LRP8: variants seen among roughly 807,000 people sequenced by gnomAD.
LRP8 encodes the protein LDL receptor related protein 8, also known as low-density lipoprotein receptor-related protein 8.
In LRP8, 46 loss-of-function variants were observed where a neutral mutation model predicts 111.6. The ratio of observed to expected loss-of-function variants is 0.41; its 90% CI spans 0.33 to 0.53. LRP8 has a LOEUF of 0.53. Among genes scored for constraint, LRP8 ranks in the 20% least tolerant of loss-of-function variants. The probability of loss-of-function intolerance (pLI) is 0.20; values close to 1 mark genes in which losing one functional copy is unlikely to be tolerated. For missense variants in LRP8, 959 were observed against 1,297.4 expected (o/e 0.74, Z 4.01); for synonymous variants, 464 against 511.2 (o/e 0.91, Z 1.24).
At position 53,297,645 on chromosome 1, in the gene LRP8, T is replaced by G. The variant is rs148982112; in HGVS notation, c.245-7956A>C. On this transcript the variant is annotated intron_variant, in intron 2 of 18. Transcript: ENST00000306052. ...GGCTCCAGCCAAAGGATTCACCCCATTCGGAATGAAGAGGCTGCAGCGGAA... is the reference window on the plus strand; with the variant it reads ...GGCTCCAGCCAAAGGATTCACCCCAGTCGGAATGAAGAGGCTGCAGCGGAA... Among the ~76,000 whole-genome samples the G allele has an allele frequency of 2.6e-3, 400 of 152,250 alleles. 3 individuals carry two copies. The highest frequency in any genetic ancestry group is 5.9e-3 in the Admixed American group (91 of 15,298).
intron 2 of LRP8, among the ~76,000 whole-genome samples, chr1:53,308,020 T>A (rs1652303636): frequency 6.6e-6 from 1 of 152,170 alleles, no homozygotes; most frequent in South Asian, 2.1e-4. Context: ...AGAGACCCCT[T>A]CCCAGCAGCC....
rs1442443541 is a variant in LRP8, at chr1:53,279,394, A to T, written c.496+1193T>A. On this transcript the variant is annotated intron_variant, in intron 4 of 18. Transcript: ENST00000306052. This position sits in a 1 kb window ranked among gnomAD's most constrained non-coding sequence, Gnocchi z 4.4. ...CATCCCTTGCAGTAGCGGCCTTCAT[A>T]TTGGAGGAATCATCTGATTATGGGG... Among the ~76,000 whole-genome samples, 1 of 152,126 alleles carries T rather than the reference A, an allele frequency of 6.6e-6. No individual in the cohort carries two copies. Among genetic ancestry groups the T allele is most frequent in the Non-Finnish European group, 1.5e-5 (1 of 68,028 alleles).
Position 53,281,488 on chromosome 1 carries a change from C to T in LRP8, c.368-773G>A, listed in dbSNP as rs114990675. Reference sequence around the variant, plus strand: ...ATCTCAGACCTCCGTGGTTGGCTCCCTTCAGCCTTCCAGGGTGTGCAGGAG... The same window carrying T: ...ATCTCAGACCTCCGTGGTTGGCTCCTTTCAGCCTTCCAGGGTGTGCAGGAG... On this transcript the variant is annotated intron_variant, in intron 3 of 18. Transcript: ENST00000306052. Among the ~76,000 whole-genome samples the T allele has an allele frequency of 3.6e-3, 549 of 152,336 alleles. 4 individuals carry two copies. The highest frequency in any genetic ancestry group is 0.013 in the African/African-American group (529 of 41,580).
At chr1:53,254,039 C>T (rs897003759) in intron 16 of LRP8, among the ~76,000 whole-genome samples, 4 of 152,104 alleles carry the variant, frequency 2.6e-5, no homozygotes, top group African/African-American at 9.7e-5. Context: ...CATTTGCTGA[C>T]TAACTCGGCA....
rs1486917420 is a variant in LRP8 at position 53,246,695 on chromosome 1, G to C, written c.*323C>G. 6 of 295,388 alleles carry C rather than the reference G, an allele frequency of 2.0e-5. No homozygotes were observed. Among genetic ancestry groups the C allele is most frequent in the Non-Finnish European group, 3.8e-5 (6 of 159,044 alleles). 18.3% of individuals were successfully genotyped at this position (295,388 alleles called of 1,614,324 possible). A position where few individuals can be genotyped will look rare whatever the true frequency, so the allele number is the denominator to read the frequency against. On this transcript the variant is annotated 3_prime_UTR_variant, in exon 19 of 19. Coordinates refer to ENST00000306052, the MANE Select transcript of LRP8 (RefSeq NM_004631.5). The stretch of plus-strand genomic sequence containing the variant: ...AATATAGTTTTTAAATGATGAGTAA[G>C]GTACTGTGCCATTGGCCCCCATTTG...
chr1:53,301,598 G>A (rs909889250), intron 2 of LRP8, among the ~76,000 whole-genome samples: 7 of 152,130 alleles, frequency 4.6e-5, no homozygotes, highest in Non-Finnish European at 1.0e-4. Flanking sequence ...GGGCATGGTG[G>A]TACACATCTG....
rs568935962 is a variant in LRP8, at chr1:53,319,385, G to T, written c.244+7488C>A. On this transcript the variant is annotated intron_variant, in intron 2 of 18. Transcript: ENST00000306052. ...GGGTGTCTGTCCTGCCACATGCCAC[G>T]TTCCAAGGGGCAGGCGTGTAGAGGC... 2.0e-5 allele frequency among the ~76,000 whole-genome samples: 3 copies of T among 152,300 alleles called. No homozygotes were observed. The East Asian group carries it at 5.8e-4, about 29-fold the overall frequency.
chr1:53,326,996 C>G lies in LRP8; in HGVS notation c.125-4G>C. The G allele has an allele frequency of 1.2e-6, 2 of 1,612,428 alleles. No individual in the cohort carries two copies. Among genetic ancestry groups the G allele is most frequent in the Non-Finnish European group, 8.5e-7 (1 of 1,179,838 alleles). On this transcript the variant is annotated splice_polypyrimidine_tract_variant and splice_region_variant and intron_variant, in intron 1 of 18. Transcript: ENST00000306052. ...TTTTCGCAATCCTTGGCCGGCCCTG[C>G]GAGGGGGAGGGAGCGTGAGCTGGAT...
chr1:53,285,844 A>G (rs1647459703), intron 3 of LRP8, among the ~76,000 whole-genome samples: 1 of 152,310 alleles, frequency 6.6e-6, no homozygotes, highest in South Asian at 2.1e-4. Flanking sequence ...TCTGAGAGGC[A>G]GGAGTGAAGA....
At chr1:53,253,512 G>A (rs925307507) in intron 16 of LRP8, among the ~76,000 whole-genome samples, 3 of 152,088 alleles carry the variant, frequency 2.0e-5, no homozygotes, top group Admixed American at 6.6e-5. Flanking sequence ...CTACCTCACA[G>A]GGAAATGTCA....
At chr1:53,324,134 C>T (rs1035353349) in intron 2 of LRP8, among the ~76,000 whole-genome samples, 10 of 152,166 alleles carry the variant, frequency 6.6e-5, no homozygotes, top group Non-Finnish European at 1.0e-4. Context: ...GGGTAAGGCA[C>T]GGAGACTGCT....
chr1:53,314,726 G>C (rs937273497), intron 2 of LRP8, among the ~76,000 whole-genome samples: 5 of 152,194 alleles, frequency 3.3e-5, no homozygotes, highest in African/African-American at 7.2e-5. Flanking sequence ...CACCCCACTA[G>C]GCTGCTGAGG....
At chr1:53,278,333 G>C (rs552813494) in intron 4 of LRP8, among the ~76,000 whole-genome samples, 1 of 152,220 alleles carries the variant, frequency 6.6e-6, no homozygotes, top group Non-Finnish European at 1.5e-5. Context: ...GCCCCGGGAT[G>C]GGGGTAGGCC....
In LRP8 at chr1:53,260,618, G is replaced by C; in HGVS notation, c.1915-13C>G. On this transcript the variant is annotated splice_polypyrimidine_tract_variant and intron_variant, in intron 12 of 18. Transcript: ENST00000306052. The stretch of plus-strand genomic sequence containing the variant: ...AGAACACCTTGTCCTGTGGGGTATA[G>C]ATGCAGAGGATGGGAGGCCTGGAGT... 4 of 1,612,934 alleles carry C rather than the reference G, an allele frequency of 2.5e-6. No individual in the cohort carries two copies. The highest frequency in any genetic ancestry group is 3.4e-6 in the Non-Finnish European group (4 of 1,179,116).
chr1:53,283,188 G>T (rs929195138), intron 3 of LRP8, among the ~76,000 whole-genome samples: 1 of 152,062 alleles, frequency 6.6e-6, no homozygotes, highest in African/African-American at 2.4e-5. Flanking sequence ...AAAGAGGTCA[G>T]GGGGAGCCTC....
At position 53,271,326 on chromosome 1, in the gene LRP8, T is replaced by C. The variant is rs1408049164; in HGVS notation, c.1027A>G (p.Asn343Asp). The change falls in exon 7 of 19, where the codon AAC (asparagine) becomes GAC (aspartate). Residue 343 changes from asparagine (N) to aspartate (D), a missense_variant. Transcript: ENST00000306052. ...CAGATGTGTGAGCAGCCGCCATTGTTGTGCAGACACTCGTTCAGCCCTGGG... is the reference window on the plus strand; with the variant it reads ...CAGATGTGTGAGCAGCCGCCATTGTCGTGCAGACACTCGTTCAGCCCTGGG... ...CLQGLNECLHNNGGCSHICTD... is the reference protein window; with the variant it reads ...CLQGLNECLHDNGGCSHICTD... 6.2e-7 allele frequency: 1 copy of C among 1,614,062 alleles called. No individual in the cohort carries two copies. The highest frequency in any genetic ancestry group is 8.5e-7 in the Non-Finnish European group (1 of 1,180,014).
intron 14 of LRP8, chr1:53,258,049 T>TA: frequency 3.6e-6 from 1 of 281,348 alleles, no homozygotes. Context: ...TTGAGGTTTT[T>TA]AAAGCGTTCC....
Position 53,245,534 on chromosome 1 carries a change from A to T in LRP8, c.*1484T>A, listed in dbSNP as rs1328726896. 1.3e-5 allele frequency: 2 copies of T among 152,216 alleles called. No homozygotes were observed. Among genetic ancestry groups the T allele is most frequent in the Non-Finnish European group, 2.9e-5 (2 of 68,024 alleles). 9.4% of individuals were successfully genotyped at this position (152,216 alleles called of 1,614,324 possible). A position where few individuals can be genotyped will look rare whatever the true frequency, so the allele number is the denominator to read the frequency against. On this transcript the variant is annotated 3_prime_UTR_variant, in exon 19 of 19. Transcript: ENST00000306052. ...AAAGAAGATGTCTATAATGAAGAAC[A>T]TCTATACATATACCCGGAGTTTTTC...
rs1651426911 is a variant in LRP8 at position 53,303,791 on chromosome 1, T to A, written c.245-14102A>T. On this transcript the variant is annotated intron_variant, in intron 2 of 18. Coordinates refer to ENST00000306052, the MANE Select transcript of LRP8 (RefSeq NM_004631.5). This position sits in a 1 kb window ranked among gnomAD's most constrained non-coding sequence, Gnocchi z 4.3. ...TGCTGGAATCCTCTGTTCCCACCGCTGACATATGGCCATTCGCCCTCTTGA... is the reference window on the plus strand; with the variant it reads ...TGCTGGAATCCTCTGTTCCCACCGCAGACATATGGCCATTCGCCCTCTTGA... Among the ~76,000 whole-genome samples the A allele has an allele frequency of 6.6e-6, 1 of 152,204 alleles. No homozygotes were observed. The highest frequency in any genetic ancestry group is 2.1e-4 in the South Asian group (1 of 4,836).
Sources: gnomAD v4.1 joint callset for allele counts (sites outside exome capture counted in the v4.1 genomes callset) on GRCh38, gnomAD v4.1.1 for gene constraint, Gnocchi (gnomAD v3.1) non-coding constraint, MANE v1.5 for transcripts, NCBI Gene and HGNC (gene_info 2026-07-23, HGNC 2026-07-21) for gene names.